AHI1: variants seen among roughly 807,000 people sequenced by gnomAD.
AHI1 encodes Abelson helper integration site 1.
AHI1 carries 123 observed loss-of-function variants against 149.3 expected under a neutral mutation model. That is an observed-to-expected ratio of 0.82 (90% confidence interval 0.71 to 0.96). The LOEUF is 0.96. Ranked by LOEUF, AHI1 falls within the 40% of genes least tolerant of loss-of-function variation. The probability of loss-of-function intolerance (pLI) is 0.00; values close to 1 mark genes in which losing one functional copy is unlikely to be tolerated. For missense variants in AHI1, 1,439 were observed against 1,422.7 expected, an observed-to-expected ratio of 1.01 and a Z score of -0.18; for synonymous variants, 475 against 459.8, an observed-to-expected ratio of 1.03 and a Z score of -0.42.
rs1454007097 is a variant in AHI1 at position 135,389,360 on chromosome 6, G to A, written c.3109+5416C>T. Among the ~76,000 whole-genome samples, 3 of 149,812 alleles carry A rather than the reference G, an allele frequency of 2.0e-5. No individual in the cohort carries two copies. In the South Asian group the frequency reaches 6.4e-4, roughly 32 times the overall value. On this transcript the variant is annotated intron_variant, in intron 23 of 28. Transcript: ENST00000265602. ...TTCTTCAAATATTATTCAACATGTC[G>A]ATGCACAAGAGTTAGCTTGACAGAT...
At chr6:135,382,954 T>TATATATATAC (rs770394314) in intron 23 of AHI1, among the ~76,000 whole-genome samples, 16 of 100,042 alleles carry the variant, frequency 1.6e-4, no homozygotes, top group African/African-American at 5.6e-4. Context: ...TATATATATA[T>TATATATATAC]ACATATAAAA....
At chr6:135,374,842 A>C (rs1451813182) in intron 23 of AHI1, among the ~76,000 whole-genome samples, 1 of 152,240 alleles carries the variant, frequency 6.6e-6, no homozygotes, top group African/African-American at 2.4e-5. Flanking sequence ...CTTTGAAAGT[A>C]ACATGCTTTC....
At chr6:135,297,905 A>G (rs1175302990) in intron 27 of AHI1, among the ~76,000 whole-genome samples, 1 of 152,170 alleles carries the variant, frequency 6.6e-6, no homozygotes, top group South Asian at 2.1e-4. Flanking sequence ...TAGCCGCACC[A>G]TATTAAGAAG....
rs541066468 is a variant in AHI1, at chr6:135,384,056, CCTTTCAAGTCTT to C, written c.3109+10708_3109+10719del. On this transcript the variant is annotated intron_variant, in intron 23 of 28. Transcript: ENST00000265602. ...TTATGTTCCGATAAAGTAGCTGAAA[CCTTTCAAGTCTT>C]CTACTTTATATAATAAAAACCACTT... 1.0e-3 allele frequency among the ~76,000 whole-genome samples: 159 copies of C among 152,256 alleles called. 1 individual carries two copies. Among genetic ancestry groups the C allele is most frequent in the Admixed American group, 8.8e-3 (135 of 15,298 alleles).
intron 11 of AHI1, among the ~76,000 whole-genome samples, chr6:135,449,173 C>T (rs535796339): frequency 3.3e-5 from 5 of 152,106 alleles, no homozygotes; most frequent in South Asian, 2.1e-4. Context: ...CTCAGCCTCC[C>T]GAGTAGCTAG....
At chr6:135,324,364 G>A (rs1210041608) in intron 24 of AHI1, among the ~76,000 whole-genome samples, 1 of 151,410 alleles carries the variant, frequency 6.6e-6, no homozygotes, top group Non-Finnish European at 1.5e-5. Flanking sequence ...CCTTATAGTA[G>A]TTAAAGGCAG....
At chr6:135,404,816 G>T in intron 22 of AHI1, 135 bp downstream of exon 22, 1 of 722,894 alleles carries the variant, frequency 1.4e-6, no homozygotes, top group Non-Finnish European at 2.4e-6. Context: ...CTGTGATAAA[G>T]CTGAGCTCCA....
chr6:135,360,499 T>C (rs1364922910), intron 23 of AHI1, among the ~76,000 whole-genome samples: 1 of 152,218 alleles, frequency 6.6e-6, no homozygotes, highest in African/African-American at 2.4e-5. Flanking sequence ...CTCCCTCCTG[T>C]TGGCCTAGCC....
intron 23 of AHI1, among the ~76,000 whole-genome samples, chr6:135,373,236 G>A (rs1775333639): frequency 1.3e-5 from 2 of 152,122 alleles, no homozygotes; most frequent in African/African-American, 4.8e-5. Context: ...GCATTTTGCT[G>A]TACCTTTTCT....
At chr6:135,339,693 C>T (rs1789995551) in intron 24 of AHI1, among the ~76,000 whole-genome samples, 1 of 151,990 alleles carries the variant, frequency 6.6e-6, no homozygotes, top group Non-Finnish European at 1.5e-5. Context: ...TTATAGGATG[C>T]CATCAAATGT....
At chr6:135,391,730 A>G (rs1023063527) in intron 23 of AHI1, among the ~76,000 whole-genome samples, 1 of 152,138 alleles carries the variant, frequency 6.6e-6, no homozygotes. Flanking sequence ...AAAAAAAATT[A>G]TTCAATGATA....
chr6:135,360,999 A>G (rs1793774493), intron 23 of AHI1, among the ~76,000 whole-genome samples: 1 of 152,132 alleles, frequency 6.6e-6, no homozygotes, highest in Admixed American at 6.5e-5. Flanking sequence ...TTGCTATCTT[A>G]TTGCATTTCT....
chr6:135,317,166 C>G (rs981825537), intron 26 of AHI1, among the ~76,000 whole-genome samples: 1 of 152,014 alleles, frequency 6.6e-6, no homozygotes, highest in African/African-American at 2.4e-5. Context: ...TCCTTAGCTA[C>G]CTCAAATTCA....
intron 23 of AHI1, among the ~76,000 whole-genome samples, chr6:135,379,981 C>T (rs1167830970): frequency 1.8e-5 from 2 of 112,878 alleles, no homozygotes; most frequent in Non-Finnish European, 3.8e-5. Context: ...TCCCCTTCAC[C>T]CTCTCCCTCC....
chr6:135,405,069 C>T, intron 21 of AHI1, 92 bp from the exon 22 acceptor site: 2 of 1,074,812 alleles, frequency 1.9e-6, no homozygotes, highest in East Asian at 2.5e-5. Flanking sequence ...TTCTAATAAC[C>T]TAAATCAGCA....
In AHI1 at chr6:135,442,609, C is replaced by A. The variant is rs1177487947; in HGVS notation, c.1885G>T (p.Ala629Ser). 6.2e-7 allele frequency: 1 copy of A among 1,609,356 alleles called. No individual in the cohort carries two copies. Among genetic ancestry groups the A allele is most frequent in the Non-Finnish European group, 8.5e-7 (1 of 1,177,558 alleles). ...HNGRILAAAC[A>S]SRDGYPIILY... ...ATAATTGGATATCCATCCCGGCTGG[C>A]ACAAGCTGCTGCTAATATTCTTCCA... Residue 629 changes from alanine (A) to serine (S), a missense_variant, in exon 14 of 29, where the codon GCC (alanine) becomes TCC (serine). Physicochemically the swap from Ala to Ser is moderately conservative, Grantham distance 99 (BLOSUM62 1). Transcript: ENST00000265602.
At chr6:135,315,281 G>T (rs1336331576) in intron 26 of AHI1, among the ~76,000 whole-genome samples, 1 of 152,078 alleles carries the variant, frequency 6.6e-6, no homozygotes, top group Admixed American at 6.6e-5. Flanking sequence ...AACCTGAGCT[G>T]CCTGACATCT....
In AHI1 at chr6:135,453,416, C is replaced by T; in HGVS notation, c.1365G>A (p.Val455=). Residue 455 remains valine, a synonymous_variant, in exon 11 of 29, where the codon GTG becomes GTA. Coordinates refer to ENST00000265602, the MANE Select transcript of AHI1 (RefSeq NM_001134831.2). The part of the protein sequence containing the change: ...LFFEILDFLS[V]DEIKNNSEVQ... ...CCTCAGAATTATTCTTAATTTCATC[C>T]ACGCTTAAGAAATCAAGAATCTGCA... 1 of 1,555,754 alleles carries T rather than the reference C, an allele frequency of 6.4e-7. No homozygotes were observed. The highest frequency in any genetic ancestry group is 8.7e-7 in the Non-Finnish European group (1 of 1,148,580).
intron 24 of AHI1, among the ~76,000 whole-genome samples, chr6:135,345,701 G>C (rs1470903487): frequency 6.6e-6 from 1 of 152,092 alleles, no homozygotes; most frequent in Non-Finnish European, 1.5e-5. Context: ...ATTTCTTCTG[G>C]GGGGGCAACG....
Sources: gnomAD v4.1 joint callset for allele counts (sites outside exome capture counted in the v4.1 genomes callset) on GRCh38, gnomAD v4.1.1 for gene constraint, MANE v1.5 for transcripts, NCBI Gene and HGNC (gene_info 2026-07-23, HGNC 2026-07-21) for gene names.